Variants in CRTC1 observed in about 807,000 individuals in gnomAD.
CRTC1 encodes CREB-regulated transcription coactivator 1.
In CRTC1, 18 loss-of-function variants were observed where a neutral mutation model predicts 66.1. The observed-to-expected ratio is 0.27, with a 90% CI of 0.19 to 0.40. The LOEUF (loss-of-function observed/expected upper bound fraction) is 0.40. Ranked by LOEUF, CRTC1 falls within the 10% of genes least tolerant of loss-of-function variation. CRTC1 has a pLI of 1.00. For missense variants in CRTC1, 669 were observed against 887.9 expected, an observed-to-expected ratio of 0.75 and a Z score of 3.13; for synonymous variants, 416 against 398.8, an observed-to-expected ratio of 1.04 and a Z score of -0.51.
chr19:18,732,714 G>A (rs1318048920), intron 1 of CRTC1, among the ~76,000 whole-genome samples: 1 of 152,132 alleles, frequency 6.6e-6, no homozygotes, highest in Admixed American at 6.5e-5. Context: ...GGCCTTGAGT[G>A]CCACCAGTGG....
chr19:18,718,126 A>C (rs981947766), intron 1 of CRTC1, among the ~76,000 whole-genome samples: 1 of 151,980 alleles, frequency 6.6e-6, no homozygotes, highest in Admixed American at 6.6e-5. Context: ...CATCCAAAGG[A>C]GACCTTGTCC....
intron 8 of CRTC1, among the ~76,000 whole-genome samples, chr19:18,764,020 C>T (rs2054672894): frequency 6.6e-6 from 1 of 152,150 alleles, no homozygotes; most frequent in Non-Finnish European, 1.5e-5. Flanking sequence ...GCCTGGGGAG[C>T]AGTCAACAGC....
chr19:18,753,392 T>TA, intron 5 of CRTC1, 108 bp from the exon 6 acceptor site: 1 of 778,510 alleles, frequency 1.3e-6, no homozygotes, highest in Non-Finnish European at 2.2e-6. Context: ...GTTGCAGTCT[T>TA]ACCATGGCCA....
At chr19:18,745,790 C>A (rs1481647813) in intron 2 of CRTC1, 33 bp from the exon 3 acceptor site, 1 of 1,610,598 alleles carries the variant, frequency 6.2e-7, no homozygotes, top group Middle Eastern at 1.7e-4. Context: ...GTTTGGATTT[C>A]TCTCTCTCTG....
chr19:18,775,045 C>A, intron 12 of CRTC1, 59 bp downstream of exon 12: 4 of 1,533,306 alleles, frequency 2.6e-6, no homozygotes, highest in Non-Finnish European at 3.6e-6. Context: ...TTGCTGGGAC[C>A]CTCGCTGGGA....
rs556135341 is a variant in CRTC1, at chr19:18,684,488, CTCTTGGACAGCTGAGGGAATGG to C, written c.126+663_126+684del. On this transcript the variant is annotated intron_variant, in intron 1 of 13. Transcript: ENST00000321949. ...GCTGAGGTGGGACAGGGATCTCTCC[CTCTTGGACAGCTGAGGGAATGG>C]TCAGATCCTGTCCCCCAGGGGGTCC... 7.5e-3 allele frequency among the ~76,000 whole-genome samples: 1,134 copies of C among 152,210 alleles called. 10 individuals carry two copies. Among genetic ancestry groups the C allele is most frequent in the South Asian group, 0.011 (53 of 4,822 alleles).
chr19:18,773,430 G>A (rs969511599), intron 11 of CRTC1, among the ~76,000 whole-genome samples: 1 of 152,168 alleles, frequency 6.6e-6, no homozygotes, highest in African/African-American at 2.4e-5. Context: ...AGGCTCACAG[G>A]GAAACCTCAG....
intron 1 of CRTC1, among the ~76,000 whole-genome samples, chr19:18,703,728 G>A (rs954048851): frequency 1.3e-5 from 2 of 152,182 alleles, no homozygotes; most frequent in African/African-American, 2.4e-5. Flanking sequence ...CTCCCAAAGT[G>A]CTAGGATTAT....
intron 5 of CRTC1, among the ~76,000 whole-genome samples, 162 bp downstream of exon 5, chr19:18,750,037 G>A (rs979729106): frequency 6.6e-6 from 1 of 152,192 alleles, no homozygotes; most frequent in Non-Finnish European, 1.5e-5. Context: ...TTCAGAGGTG[G>A]TGCTACTTAA....
intron 8 of CRTC1, among the ~76,000 whole-genome samples, chr19:18,763,539 C>A (rs755236069): frequency 7.2e-5 from 11 of 152,220 alleles, no homozygotes; most frequent in Non-Finnish European, 1.0e-4. Flanking sequence ...GCCATGAAAT[C>A]GCCGGACAAC....
chr19:18,735,706 C>G (rs1600883084), intron 1 of CRTC1: 1 of 152,944 alleles, frequency 6.5e-6, no homozygotes, highest in African/African-American at 2.4e-5. Context: ...TGGCCCATCT[C>G]AGACCCTATG....
intron 11 of CRTC1, 90 bp from the exon 12 acceptor site, chr19:18,774,810 G>A (rs759431699): frequency 8.2e-7 from 1 of 1,222,754 alleles, no homozygotes; most frequent in Non-Finnish European, 1.2e-6. Flanking sequence ...AGGTTCCAGG[G>A]GCCTCTTGTC....
At chr19:18,724,249 G>C (rs1433808422) in intron 1 of CRTC1, among the ~76,000 whole-genome samples, 1 of 152,118 alleles carries the variant, frequency 6.6e-6, no homozygotes, top group South Asian at 2.1e-4. Flanking sequence ...GTGTGGGTGC[G>C]TGGGGTGTTG....
At chr19:18,773,943 TG>T (rs1301496614) in intron 11 of CRTC1, among the ~76,000 whole-genome samples, 4 of 152,140 alleles carry the variant, frequency 2.6e-5, no homozygotes, top group Non-Finnish European at 4.4e-5. Context: ...AAAGCTCAGA[TG>T]GGGAGCTCCA....
chr19:18,744,102 T>A (rs1386649132), intron 2 of CRTC1: 1 of 1,613,106 alleles, frequency 6.2e-7, no homozygotes, highest in Non-Finnish European at 8.5e-7. Context: ...TTCTTTGCAT[T>A]TTCAGCCCAG....
At chr19:18,719,802 CGT>C (rs2053583741) in intron 1 of CRTC1, among the ~76,000 whole-genome samples, 1 of 152,246 alleles carries the variant, frequency 6.6e-6, no homozygotes, top group Admixed American at 6.5e-5. Flanking sequence ...CCTCCTCTGC[CGT>C]GTCTGGGATC....
chr19:18,706,604 A>T (rs576671553), intron 1 of CRTC1, among the ~76,000 whole-genome samples: 1 of 152,208 alleles, frequency 6.6e-6, no homozygotes, highest in East Asian at 1.9e-4. Context: ...TGAGTCTTCC[A>T]ATTTTGTTAT....
At chr19:18,761,633 A>G (rs2054616638) in intron 8 of CRTC1, among the ~76,000 whole-genome samples, 1 of 152,192 alleles carries the variant, frequency 6.6e-6, no homozygotes, top group Admixed American at 6.5e-5. Flanking sequence ...CGGCCACTGG[A>G]GCAGGACAGC....
At chr19:18,755,787 G>C (rs2054471091) in intron 6 of CRTC1, among the ~76,000 whole-genome samples, 1 of 151,668 alleles carries the variant, frequency 6.6e-6, no homozygotes. Context: ...ATCATTTATA[G>C]AGACAGGAGC....
Sources: allele counts gnomAD v4.1 joint callset (sites outside exome capture counted in the v4.1 genomes callset), GRCh38; gene constraint gnomAD v4.1.1; transcripts MANE v1.5; gene names NCBI Gene and HGNC (gene_info 2026-07-23, HGNC 2026-07-21).